Variants in ZZZ3 observed in about 807,000 individuals in gnomAD.
ZZZ3 encodes the protein ZZ-type zinc finger-containing protein 3.
ZZZ3 carries 22 observed loss-of-function variants against 95.2 expected under a neutral mutation model. The ratio of observed to expected loss-of-function variants is 0.23; its 90% CI spans 0.17 to 0.33. The LOEUF is 0.33. Among genes scored for constraint, ZZZ3 ranks in the 10% least tolerant of loss-of-function variants. The probability of loss-of-function intolerance (pLI) is 1.00; values close to 1 mark genes in which losing one functional copy is unlikely to be tolerated. For synonymous variants in ZZZ3, 335 were observed against 358.9 expected, an observed-to-expected ratio of 0.93 and a Z score of 0.75; for missense variants, 885 against 1,066.5, an observed-to-expected ratio of 0.83 and a Z score of 2.37.
At chr1:77,675,908 A>G (rs2101078228) in intron 1 of ZZZ3, among the ~76,000 whole-genome samples, 1 of 152,300 alleles carries the variant, frequency 6.6e-6, no homozygotes, top group South Asian at 2.1e-4. Flanking sequence ...CTGAATGTCT[A>G]TGCTATTAAA....
chr1:77,670,858 A>G (rs776167101), intron 1 of ZZZ3, among the ~76,000 whole-genome samples: 1 of 152,056 alleles, frequency 6.6e-6, no homozygotes, highest in Non-Finnish European at 1.5e-5. Flanking sequence ...GACTCTGCAA[A>G]AACTACAACC....
Position 77,579,579 on chromosome 1 carries a change from G to C in ZZZ3, c.2030C>G (p.Ser677Cys). 2.5e-6 allele frequency: 4 copies of C among 1,588,190 alleles called. No homozygotes were observed. Among genetic ancestry groups the C allele is most frequent in the Non-Finnish European group, 3.4e-6 (4 of 1,169,468 alleles). Residue 677 changes from serine to cysteine, a missense_variant, in exon 10 of 15, where the codon TCT becomes TGT. This residue lies in a region of ZZZ3 where 99 missense variants were observed against 119.8 expected (regional missense o/e 0.83). Coordinates refer to ENST00000370801, the MANE Select transcript of ZZZ3 (RefSeq NM_015534.6). ...LIKYPPEEVE[S>C]RRWQKIADEL... ...ATCTGCTATCTTCTGCCAGCGTCGAGATTCTACTTCTTCAGGAGGGTATTT... is the reference window on the plus strand; with the variant it reads ...ATCTGCTATCTTCTGCCAGCGTCGACATTCTACTTCTTCAGGAGGGTATTT...
chr1:77,631,729 A>T, intron 5 of ZZZ3, 121 bp downstream of exon 5: 1 of 806,522 alleles, frequency 1.2e-6, no homozygotes, highest in Non-Finnish European at 1.8e-6. Flanking sequence ...AAATCATATT[A>T]AACCTAAAAT....
At chr1:77,604,159 GAGATATTGT>G (rs1206778570) in intron 5 of ZZZ3, among the ~76,000 whole-genome samples, 2 of 152,212 alleles carry the variant, frequency 1.3e-5, no homozygotes, top group Non-Finnish European at 2.9e-5. Context: ...GCCTAGGCTA[GAGATATTGT>G]AGTGGGACGC....
chr1:77,628,953 T>C (rs181451784), intron 5 of ZZZ3, among the ~76,000 whole-genome samples: 45 of 152,314 alleles, frequency 3.0e-4, no homozygotes, highest in African/African-American at 9.9e-4. Context: ...TATGTACATA[T>C]GTGTGTACAG....
At chr1:77,625,827 TAA>T (rs1177204102) in intron 5 of ZZZ3, among the ~76,000 whole-genome samples, 19 of 137,544 alleles carry the variant, frequency 1.4e-4, no homozygotes, top group African/African-American at 1.3e-4. Flanking sequence ...CTGTCTCTAC[TAA>T]AAAAAAAAAA....
intron 13 of ZZZ3, 60 bp downstream of exon 13, chr1:77,568,272 C>G: frequency 7.0e-7 from 1 of 1,432,312 alleles, no homozygotes. Flanking sequence ...GAGTGAGACT[C>G]TGTCTCTAAA....
intron 5 of ZZZ3, among the ~76,000 whole-genome samples, chr1:77,591,382 T>A (rs905907924): frequency 3.3e-5 from 5 of 152,162 alleles, no homozygotes; most frequent in African/African-American, 1.2e-4. Context: ...GGTGTCTCAC[T>A]CTGTTGCCCA....
In ZZZ3 at chr1:77,584,696, T is replaced by C. The variant is rs759613205; in HGVS notation, c.1506-41A>G. The C allele has an allele frequency of 1.7e-5, 26 of 1,495,658 alleles. No individual in the cohort carries two copies. In the Admixed American group the frequency reaches 6.0e-4, roughly 34 times the overall value. 92.6% of individuals were successfully genotyped at this position (1,495,658 alleles called of 1,614,324 possible). Reference sequence around the variant, plus strand: ...AAAATATTTCACAAAAATTTTCTAGTAACAACAATAAATAAAAACTGAGTT... The same window carrying C: ...AAAATATTTCACAAAAATTTTCTAGCAACAACAATAAATAAAAACTGAGTT... On this transcript the variant is annotated intron_variant, in intron 5 of 14. Transcript: ENST00000370801.
Position 77,632,465 on chromosome 1 carries a change from G to A in ZZZ3, c.890C>T (p.Thr297Ile). The A allele has an allele frequency of 1.9e-6, 3 of 1,614,112 alleles. No homozygotes were observed. Among genetic ancestry groups the A allele is most frequent in the South Asian group, 2.2e-5 (2 of 91,078 alleles). ...LPVEHVNQLTTEPATGPFSET... is the reference protein window; with the variant it reads ...LPVEHVNQLTIEPATGPFSET... ...AGAAAAGGGCCCTGTAGCTGGCTCA[G>A]TAGTCAGCTGATTAACATGTTCCAC... is the stretch of plus-strand genomic sequence containing the variant. Residue 297 changes from threonine (T) to isoleucine (I), a missense_variant, in exon 5 of 15, where the codon ACT becomes ATT. By Grantham distance (89) the Thr-to-Ile change is moderately conservative. Around this residue, in one of 5 missense-constraint regions of ZZZ3, gnomAD observed 556 missense variants for 652.9 expected, o/e 0.85. Coordinates refer to ENST00000370801, the MANE Select transcript of ZZZ3 (RefSeq NM_015534.6).
At chr1:77,662,226 C>T (rs1670860426) in intron 1 of ZZZ3, among the ~76,000 whole-genome samples, 1 of 152,004 alleles carries the variant, frequency 6.6e-6, no homozygotes, top group Admixed American at 6.6e-5. Context: ...ATTGGCCAAG[C>T]TGGTCTCAAA....
chr1:77,608,141 A>G (rs1350528689), intron 5 of ZZZ3, among the ~76,000 whole-genome samples: 2 of 152,294 alleles, frequency 1.3e-5, no homozygotes, highest in East Asian at 1.9e-4. Context: ...AGAGAAAGGT[A>G]TCCAAGTACA....
chr1:77,609,453 AC>A (rs1463108408), intron 5 of ZZZ3, among the ~76,000 whole-genome samples: 1 of 152,092 alleles, frequency 6.6e-6, no homozygotes, highest in Non-Finnish European at 1.5e-5. Flanking sequence ...AGATTTCAAC[AC>A]CCCACTTTCA....
At chr1:77,630,714 G>A (rs1166436401) in intron 5 of ZZZ3, among the ~76,000 whole-genome samples, 3 of 152,074 alleles carry the variant, frequency 2.0e-5, no homozygotes, top group Non-Finnish European at 4.4e-5. Flanking sequence ...AAAGAAAGCA[G>A]AAGAAAACTT....
In ZZZ3 at chr1:77,568,476, A is replaced by G. The variant is rs781081269; in HGVS notation, c.2332-10T>C. The G allele has an allele frequency of 1.0e-6, 1 of 981,600 alleles. No homozygotes were observed. The highest frequency in any genetic ancestry group is 1.6e-5 in the South Asian group (1 of 61,104). The allele number at this position is 981,600 out of a possible 1,614,324, so 60.8% of individuals were successfully genotyped here. A position where few individuals can be genotyped will look rare whatever the true frequency, so the allele number is the denominator to read the frequency against. ...GAATACTTTCGTCATCCTATCAAAAAAAAAAAAAAAAAAAAATGTTGGTTT... is the reference window on the plus strand; with the variant it reads ...GAATACTTTCGTCATCCTATCAAAAGAAAAAAAAAAAAAAAATGTTGGTTT... On this transcript the variant is annotated splice_polypyrimidine_tract_variant and intron_variant, in intron 12 of 14. Coordinates refer to ENST00000370801, the MANE Select transcript of ZZZ3 (RefSeq NM_015534.6).
chr1:77,603,920 T>C (rs1664983004), intron 5 of ZZZ3, among the ~76,000 whole-genome samples: 1 of 152,062 alleles, frequency 6.6e-6, no homozygotes, highest in African/African-American at 2.4e-5. Context: ...TCCAAGCACT[T>C]TGGGAGGCTG....
chr1:77,598,546 T>C (rs568243949), intron 5 of ZZZ3, among the ~76,000 whole-genome samples: 2 of 152,288 alleles, frequency 1.3e-5, no homozygotes, highest in African/African-American at 4.8e-5. Context: ...GAGAAAGTAT[T>C]TAGTTAAGGT....
At chr1:77,609,589 T>A (rs116177184) in intron 5 of ZZZ3, among the ~76,000 whole-genome samples, 1 of 152,204 alleles carries the variant, frequency 6.6e-6, no homozygotes, top group African/African-American at 2.4e-5. Context: ...AGAATACACA[T>A]CCTTTTCCTC....
chr1:77,660,789 C>A (rs1670710461), intron 1 of ZZZ3, among the ~76,000 whole-genome samples: 1 of 152,162 alleles, frequency 6.6e-6, no homozygotes, highest in East Asian at 1.9e-4. Context: ...AACTCTCAGA[C>A]TGCTTCTCTC....
Sources: gnomAD v4.1 joint callset for allele counts (sites outside exome capture counted in the v4.1 genomes callset) on GRCh38, gnomAD v4.1.1 for gene constraint, gnomAD v4.1.1 regional missense constraint, MANE v1.5 for transcripts, NCBI Gene and HGNC (gene_info 2026-07-23, HGNC 2026-07-21) for gene names.